The following PDE1C variants were observed in gnomAD, a reference collection of about 807,000 sequenced individuals.
PDE1C encodes the protein dual specificity calcium/calmodulin-dependent 3',5'-cyclic nucleotide phosphodiesterase 1C.
In PDE1C, 62 loss-of-function variants were observed where a neutral mutation model predicts 93.1. The ratio of observed to expected loss-of-function variants is 0.67; its 90% CI spans 0.54 to 0.82. The LOEUF (loss-of-function observed/expected upper bound fraction) is 0.82. Among genes scored for constraint, PDE1C ranks in the 40% least tolerant of loss-of-function variants. The probability of loss-of-function intolerance (pLI) is 0.00; values close to 1 mark genes in which losing one functional copy is unlikely to be tolerated. For synonymous variants in PDE1C, 325 were observed against 310.1 expected (o/e 1.05, Z -0.50); for missense variants, 742 against 884.6 (o/e 0.84, Z 2.04).
chr7:31,896,009 A>ACATACATACATACATACATG (rs1281471505), intron 2 of PDE1C, among the ~76,000 whole-genome samples: 1 of 151,672 alleles, frequency 6.6e-6, no homozygotes, highest in African/African-American at 2.4e-5. Context: ...ATACATACAT[A>ACATACATACATACATACATG]CATACATACA....
chr7:32,404,863 C>A lies in PDE1C; in HGVS notation c.310+22959G>T, dbSNP rs1451186215. Among the ~76,000 whole-genome samples, 5 of 152,310 alleles carry A rather than the reference C, an allele frequency of 3.3e-5. No homozygotes were observed. In the East Asian group the frequency reaches 9.6e-4, roughly 29 times the overall value. On this transcript the variant is annotated intron_variant, in intron 1 of 1. Coordinates refer to the PDE1C transcript ENST00000672256. The stretch of plus-strand genomic sequence containing the variant: ...GCATGAACTGGCGTTGCACAGGCCT[C>A]CTTGTCATGTTTGCCTTTCCTCATG...
intron 2 of PDE1C, among the ~76,000 whole-genome samples, chr7:31,928,822 G>A (rs1803762646): frequency 6.6e-6 from 1 of 152,166 alleles, no homozygotes; most frequent in Non-Finnish European, 1.5e-5. Flanking sequence ...ACCAGCCACT[G>A]CAAAAACATA....
At chr7:32,269,110 G>A (rs1024592005) in intron 1 of PDE1C, among the ~76,000 whole-genome samples, 1 of 152,190 alleles carries the variant, frequency 6.6e-6, no homozygotes, top group Non-Finnish European at 1.5e-5. Context: ...CCCACTAAAT[G>A]TTCACCATAG....
At chr7:32,197,490 T>G (rs1804702252) in intron 2 of PDE1C, among the ~76,000 whole-genome samples, 1 of 152,110 alleles carries the variant, frequency 6.6e-6, no homozygotes, top group African/African-American at 2.4e-5. Flanking sequence ...CTTTTTAAAA[T>G]AATATACAAA....
chr7:32,056,282 G>T (rs1175123884), intron 1 of PDE1C, among the ~76,000 whole-genome samples: 1 of 142,986 alleles, frequency 7.0e-6, no homozygotes. Context: ...GTCTAGAGTG[G>T]CACTTTGCAA....
chr7:31,691,039 A>G, the PDE1C span, among the ~76,000 whole-genome samples: 51 of 152,288 alleles, frequency 3.3e-4, no homozygotes, highest in South Asian at 9.3e-3. Flanking sequence ...TGGCCCATCC[A>G]AGCTAACAGC....
At chr7:32,045,065 C>T (rs1474688930) in intron 2 of PDE1C, among the ~76,000 whole-genome samples, 1 of 143,336 alleles carries the variant, frequency 7.0e-6, no homozygotes, top group African/African-American at 2.6e-5. Flanking sequence ...CCCTCCCACC[C>T]CCTCCCTTCC....
At chr7:32,015,335 C>A (rs909826671) in intron 2 of PDE1C, among the ~76,000 whole-genome samples, 1 of 151,398 alleles carries the variant, frequency 6.6e-6, no homozygotes, top group Admixed American at 6.6e-5. Flanking sequence ...TTGCTGAAAA[C>A]CATACAACTG....
intron 17 of PDE1C, among the ~76,000 whole-genome samples, chr7:31,756,520 G>A (rs1794477079): frequency 1.3e-5 from 2 of 152,114 alleles, no homozygotes; most frequent in Non-Finnish European, 2.9e-5. Flanking sequence ...TCCCGGATGG[G>A]ACCCTGGGAC....
chr7:31,855,260 A>G (rs1793871157), intron 7 of PDE1C, among the ~76,000 whole-genome samples: 1 of 151,838 alleles, frequency 6.6e-6, no homozygotes, highest in African/African-American at 2.4e-5. Flanking sequence ...GGCAGAATTC[A>G]TTTCCTTCTA....
chr7:31,763,090 T>C (rs76785870), intron 17 of PDE1C, among the ~76,000 whole-genome samples: 11,150 of 152,224 alleles, frequency 0.073, 571 homozygotes, highest in Non-Finnish European at 0.11. Context: ...ATGTTTGTAA[T>C]GCCCAGTTAT....
chr7:32,293,886 G>A (rs1293116944), intron 1 of PDE1C, among the ~76,000 whole-genome samples: 1 of 152,176 alleles, frequency 6.6e-6, no homozygotes. Flanking sequence ...CTGCCTGCTT[G>A]TCTAAGCAGG....
intron 2 of PDE1C, among the ~76,000 whole-genome samples, chr7:31,923,715 C>T (rs1802952729): frequency 6.6e-6 from 1 of 152,086 alleles, no homozygotes; most frequent in Admixed American, 6.6e-5. Flanking sequence ...GTGGCTCATG[C>T]CTATAATCCC....
chr7:32,300,504 G>T (rs1460467453), upstream of PDE1C, among the ~76,000 whole-genome samples: 1 of 152,176 alleles, frequency 6.6e-6, no homozygotes, highest in Admixed American at 6.5e-5. Flanking sequence ...CATGAAAATG[G>T]CTCTGCTCAC....
At chr7:32,045,206 A>C (rs1488214438) in intron 2 of PDE1C, among the ~76,000 whole-genome samples, 1 of 150,248 alleles carries the variant, frequency 6.7e-6, no homozygotes, top group Non-Finnish European at 1.5e-5. Flanking sequence ...CCCTTCCCCC[A>C]CCCCCAGCCA....
At chr7:32,323,509 G>C (rs1453662610) in intron 1 of PDE1C, among the ~76,000 whole-genome samples, 2 of 152,150 alleles carry the variant, frequency 1.3e-5, no homozygotes, top group Non-Finnish European at 2.9e-5. Context: ...AGGGAGAGAG[G>C]CCTTGGGGAC....
At chr7:31,625,331 AT>A in the PDE1C span, among the ~76,000 whole-genome samples, 2 of 152,058 alleles carry the variant, frequency 1.3e-5, no homozygotes, top group Non-Finnish European at 2.9e-5. Flanking sequence ...TCATATGTTT[AT>A]TGCGGCACTA....
chr7:31,702,207 A>ATTT, the PDE1C span, among the ~76,000 whole-genome samples: 2,981 of 141,944 alleles, frequency 0.021, 75 homozygotes, highest in African/African-American at 0.068. Flanking sequence ...ACCCTTATTT[A>ATTT]TTTTTTTTTT....
chr7:32,261,690 T>A (rs2128880815), intron 1 of PDE1C, among the ~76,000 whole-genome samples: 1 of 152,344 alleles, frequency 6.6e-6, no homozygotes, highest in Non-Finnish European at 1.5e-5. Context: ...TAAGTCAACT[T>A]TGATTTTTAC....
Sources: gnomAD v4.1 joint callset for allele counts (sites outside exome capture counted in the v4.1 genomes callset) on GRCh38, gnomAD v4.1.1 for gene constraint, MANE v1.5 for transcripts, NCBI Gene and HGNC (gene_info 2026-07-23, HGNC 2026-07-21) for gene names.